Variants in TCF7 observed in about 807,000 individuals in gnomAD.
TCF7 encodes the protein T-cell-factor-7.
Under a neutral mutation model 46.8 loss-of-function variants are expected in TCF7, and 19 were observed. That is an observed-to-expected ratio of 0.41 (90% CI 0.28 to 0.60). The LOEUF is 0.60. Ranked by LOEUF, TCF7 falls within the 20% of genes least tolerant of loss-of-function variation. The pLI is 0.35. For missense variants in TCF7, 547 were observed against 504.6 expected (o/e 1.08, Z -0.81); for synonymous variants, 245 against 213.4 (o/e 1.15, Z -1.29).
At chr5:134,128,990 GGCT>G (rs1156489315) in intron 3 of TCF7, among the ~76,000 whole-genome samples, 1 of 152,252 alleles carries the variant, frequency 6.6e-6, no homozygotes, top group African/African-American at 2.4e-5. Flanking sequence ...ATTCTTGGTA[GGCT>G]GCTGCCAGCA....
intron 6 of TCF7, 58 bp downstream of exon 6, chr5:134,142,362 C>A (rs1759948904): frequency 6.6e-7 from 1 of 1,520,128 alleles, no homozygotes; most frequent in Non-Finnish European, 8.9e-7. Flanking sequence ...CATGCCTCCC[C>A]ACCAGGCCTG....
the TCF7 span, among the ~76,000 whole-genome samples, chr5:134,109,437 G>A: frequency 6.6e-6 from 1 of 152,042 alleles, no homozygotes; most frequent in Non-Finnish European, 1.5e-5. Flanking sequence ...TCTCACCTCT[G>A]GTCTCAAGGC....
intron 3 of TCF7, among the ~76,000 whole-genome samples, chr5:134,132,756 G>T (rs547708470): frequency 2.3e-4 from 34 of 149,644 alleles, no homozygotes; most frequent in Non-Finnish European, 4.0e-4. Context: ...GGTTGGGGGG[G>T]TGGTGAAGGG....
At chr5:134,120,356 CAG>C (rs774211796) in intron 3 of TCF7, among the ~76,000 whole-genome samples, 17 of 152,302 alleles carry the variant, frequency 1.1e-4, no homozygotes, top group Non-Finnish European at 2.1e-4. Context: ...CCTTTAAAAA[CAG>C]AGTCAGATCA....
chr5:134,142,061 T>C, intron 5 of TCF7, 124 bp from the exon 6 acceptor site: 1 of 1,344,140 alleles, frequency 7.4e-7, no homozygotes, highest in Non-Finnish European at 1.0e-6. Flanking sequence ...TCTAGGCCAG[T>C]AGGATAGAGT....
At chr5:134,134,954 G>A (rs761487086) in intron 3 of TCF7, among the ~76,000 whole-genome samples, 17 of 152,250 alleles carry the variant, frequency 1.1e-4, no homozygotes, top group South Asian at 2.1e-4. Context: ...GCCAGATCAC[G>A]TAGAGCTTTA....
Position 134,143,173 on chromosome 5 carries a change from C to T in TCF7, c.1026+73C>T. On this transcript the variant is annotated intron_variant, in intron 8 of 9. Coordinates refer to ENST00000342854, the MANE Select transcript of TCF7 (RefSeq NM_003202.5). ...GATACCATGCCCCAGGCCACAATCT[C>T]AGTAAGGAACGCAGAACTACTGTCC... 2.7e-6 allele frequency: 4 copies of T among 1,463,980 alleles called. No individual in the cohort carries two copies. In the South Asian group the frequency reaches 4.8e-5, roughly 18 times the overall value. The allele number at this position is 1,463,980 out of a possible 1,614,324, so 90.7% of individuals were successfully genotyped here.
intron 3 of TCF7, among the ~76,000 whole-genome samples, chr5:134,132,445 G>A (rs1369088127): frequency 6.6e-6 from 1 of 152,212 alleles, no homozygotes; most frequent in Non-Finnish European, 1.5e-5. Flanking sequence ...TGTTTCTGCT[G>A]GCACAGTCCC....
At chr5:134,125,343 G>T (rs188339723) in intron 3 of TCF7, among the ~76,000 whole-genome samples, 2 of 152,198 alleles carry the variant, frequency 1.3e-5, no homozygotes, top group African/African-American at 4.8e-5. Flanking sequence ...CCCAGAGGAC[G>T]CCCCGCATTG....
intron 3 of TCF7, among the ~76,000 whole-genome samples, chr5:134,135,455 C>T (rs553349514): frequency 1.3e-5 from 2 of 152,142 alleles, no homozygotes; most frequent in East Asian, 1.9e-4. Flanking sequence ...GGACTGGGTG[C>T]GGGCAAGGAG....
chr5:134,125,338 A>G (rs1757197314), intron 3 of TCF7, among the ~76,000 whole-genome samples: 1 of 152,244 alleles, frequency 6.6e-6, no homozygotes, highest in Admixed American at 6.5e-5. Context: ...CTGCTCCCAG[A>G]GGACGCCCCG....
rs149260978 is a variant in TCF7 at position 134,138,782 on chromosome 5, G to A, written c.548-169G>A. 8.2e-4 allele frequency: 898 copies of A among 1,088,874 alleles called. 7 individuals carry two copies. The African/African-American group carries it at 0.013, about 16-fold the overall frequency. 67.5% of individuals were successfully genotyped at this position (1,088,874 alleles called of 1,614,324 possible). A position where few individuals can be genotyped will look rare whatever the true frequency, so the allele number is the denominator to read the frequency against. On this transcript the variant is annotated intron_variant, in intron 4 of 9. Transcript: ENST00000342854. Reference sequence around the variant, plus strand: ...CCCTGGGTTCCCTTGTCTGTCAAAGGGGCACTATTATCACACTGGGATCCT... The same window carrying A: ...CCCTGGGTTCCCTTGTCTGTCAAAGAGGCACTATTATCACACTGGGATCCT...
At chr5:134,122,226 T>G (rs553456291) in intron 3 of TCF7, among the ~76,000 whole-genome samples, 4 of 152,036 alleles carry the variant, frequency 2.6e-5, no homozygotes, top group African/African-American at 9.6e-5. Context: ...TGTCCTGGGG[T>G]CAGGGAGGGA....
chr5:134,143,556 C>T (rs776077298), intron 8 of TCF7, 36 bp from the exon 9 acceptor site: 2 of 1,613,994 alleles, frequency 1.2e-6, no homozygotes, highest in Non-Finnish European at 1.7e-6. Context: ...ATGTCTGCCT[C>T]CCAGATCTGA....
At chr5:134,110,101 T>C (rs1580777080), upstream of TCF7, among the ~76,000 whole-genome samples, 2 of 152,108 alleles carry the variant, frequency 1.3e-5, no homozygotes, top group Admixed American at 1.3e-4. Context: ...GCTGGCACAA[T>C]GTGGGAAAAA....
chr5:134,137,985 C>T, intron 3 of TCF7, 74 bp from the exon 4 acceptor site: 1 of 1,259,230 alleles, frequency 7.9e-7, no homozygotes, highest in Non-Finnish European at 1.1e-6. Context: ...GCTGGGCTTC[C>T]TGTATACCCT....
intron 5 of TCF7, chr5:134,141,600 G>A (rs997241421): frequency 1.3e-5 from 2 of 152,418 alleles, no homozygotes; most frequent in African/African-American, 2.4e-5. Flanking sequence ...GATCTTTTGC[G>A]AGAAGAAAAC....
At chr5:134,144,824 C>G (rs1760446258) in intron 9 of TCF7, 1 of 1,614,090 alleles carries the variant, frequency 6.2e-7, no homozygotes, top group Non-Finnish European at 8.5e-7. Context: ...AAATGCCGTG[C>G]TCGCTTTGGC....
intron 5 of TCF7, 93 bp from the exon 6 acceptor site, chr5:134,142,092 C>T (rs762226120): frequency 1.3e-5 from 20 of 1,562,434 alleles, no homozygotes; most frequent in Non-Finnish European, 1.6e-5. Flanking sequence ...TCACCTGTGT[C>T]CTCAAGTTAT....
Sources: allele counts gnomAD v4.1 joint callset (sites outside exome capture counted in the v4.1 genomes callset), GRCh38; gene constraint gnomAD v4.1.1; transcripts MANE v1.5; gene names NCBI Gene and HGNC (gene_info 2026-07-23, HGNC 2026-07-21).